Variants in LRP1B observed in about 807,000 individuals in gnomAD.
LRP1B encodes low-density lipoprotein receptor-related protein 1B.
LRP1B carries 217 observed loss-of-function variants against 556.6 expected under a neutral mutation model. The ratio of observed to expected loss-of-function variants is 0.39; its 90% CI spans 0.35 to 0.44. The LOEUF (loss-of-function observed/expected upper bound fraction) is 0.44, where lower values mean the gene tolerates loss of function less well. Ranked by LOEUF, LRP1B falls within the 20% of genes least tolerant of loss-of-function variation. The pLI, the probability that LRP1B is intolerant of heterozygous loss-of-function variation, is 1.00. For missense variants in LRP1B, 5,053 were observed against 5,620.8 expected (o/e 0.90, Z 3.23); for synonymous variants, 2,047 against 1,865.8 (o/e 1.10, Z -2.50).
At chr2:141,129,328 G>A (rs768502935) in intron 7 of LRP1B, among the ~76,000 whole-genome samples, 8 of 152,050 alleles carry the variant, frequency 5.3e-5, no homozygotes, top group Admixed American at 1.3e-4. Flanking sequence ...ACTTAAAAGG[G>A]AGATTTGATT....
At chr2:142,076,056 A>G (rs1400413149) in intron 1 of LRP1B, among the ~76,000 whole-genome samples, 2 of 152,158 alleles carry the variant, frequency 1.3e-5, no homozygotes, top group Non-Finnish European at 2.9e-5. Context: ...CCCTGAAGCA[A>G]TAACATTTCC....
intron 1 of LRP1B, among the ~76,000 whole-genome samples, chr2:142,053,349 A>G (rs1192751292): frequency 6.6e-6 from 1 of 152,146 alleles, no homozygotes; most frequent in Non-Finnish European, 1.5e-5. Context: ...GTAGACAGTC[A>G]TTAGGAATAA....
At chr2:141,544,378 T>TCTTCTC (rs1559131524) in intron 2 of LRP1B, among the ~76,000 whole-genome samples, 10 of 111,212 alleles carry the variant, frequency 9.0e-5, no homozygotes, top group South Asian at 3.7e-4. Flanking sequence ...TTCTTCTTCT[T>TCTTCTC]CTTCTCCTCC....
In LRP1B at chr2:140,495,713, G is replaced by T. The variant is rs112438062; in HGVS notation, c.8886C>A (p.Asp2962Glu). The change falls in exon 56 of 91, where the codon GAC becomes GAA. Residue 2962 changes from aspartate (D) to glutamate (E), a missense_variant. This residue lies in a region of LRP1B where 3,619 missense variants were observed against 3,931.9 expected (regional missense o/e 0.92). Coordinates refer to ENST00000389484, the MANE Select transcript of LRP1B (RefSeq NM_018557.3). ...KCWPGFQLKD[D>E]GKTCVDIDEC... ...CATCAATGTCTACACATGTTTTGCC[G>T]TCATCCTTCAGTTGGAATCCAGGCC... 1.9e-6 allele frequency: 3 copies of T among 1,611,054 alleles called. No homozygotes were observed. The Admixed American group carries it at 5.0e-5, about 27-fold the overall frequency.
At chr2:141,419,798 G>A (rs936613141) in intron 3 of LRP1B, among the ~76,000 whole-genome samples, 15 of 151,888 alleles carry the variant, frequency 9.9e-5, no homozygotes, top group African/African-American at 3.4e-4. Flanking sequence ...TTTGGGCTTA[G>A]TTTTTCTTTT....
intron 1 of LRP1B, among the ~76,000 whole-genome samples, chr2:141,929,489 A>G (rs2104991159): frequency 6.6e-6 from 1 of 152,110 alleles, no homozygotes; most frequent in South Asian, 2.1e-4. Flanking sequence ...TTTTTAAAAG[A>G]CAGAAGCACA....
rs1449432179 is a variant in LRP1B at position 140,325,894 on chromosome 2, A to G, written c.12224-16T>C. 1 of 1,463,916 alleles carries G rather than the reference A, an allele frequency of 6.8e-7. No homozygotes were observed. The highest frequency in any genetic ancestry group is 1.1e-5 in the South Asian group (1 of 87,110). The allele number at this position is 1,463,916 out of a possible 1,614,324, so 90.7% of individuals were successfully genotyped here. A position where few individuals can be genotyped will look rare whatever the true frequency, so the allele number is the denominator to read the frequency against. The stretch of plus-strand genomic sequence containing the variant: ...ACAGCCAAACCTGCAAAATCAACAC[A>G]CACAAGACAAATAGTGCAAGTAAAT... On this transcript the variant is annotated splice_polypyrimidine_tract_variant and intron_variant, in intron 79 of 90. Transcript: ENST00000389484.
intron 1 of LRP1B, among the ~76,000 whole-genome samples, chr2:142,103,722 G>T (rs947851621): frequency 5.3e-5 from 8 of 151,548 alleles, no homozygotes; most frequent in African/African-American, 1.9e-4. Flanking sequence ...GATTTTTCAT[G>T]AATTAAATAT....
At chr2:141,015,435 T>C (rs991446928) in intron 13 of LRP1B, among the ~76,000 whole-genome samples, 9 of 152,088 alleles carry the variant, frequency 5.9e-5, no homozygotes, top group East Asian at 1.9e-4. Context: ...AACTGCATTT[T>C]AAAACAGCTC....
intron 35 of LRP1B, among the ~76,000 whole-genome samples, chr2:140,725,218 G>A (rs1015767743): frequency 1.1e-4 from 16 of 152,050 alleles, no homozygotes; most frequent in Non-Finnish European, 2.2e-4. Flanking sequence ...AGATATTTTT[G>A]GAGGGAGGAA....
At chr2:141,886,378 G>A (rs1184190873) in intron 1 of LRP1B, among the ~76,000 whole-genome samples, 3 of 152,160 alleles carry the variant, frequency 2.0e-5, no homozygotes, top group Non-Finnish European at 4.4e-5. Flanking sequence ...TTTCTGAGAT[G>A]CAACACTGAA....
At chr2:141,153,603 A>G (rs1470772124) in intron 7 of LRP1B, among the ~76,000 whole-genome samples, 2 of 137,258 alleles carry the variant, frequency 1.5e-5, no homozygotes, top group African/African-American at 5.4e-5. Flanking sequence ...ATATATATTT[A>G]TATATAATAT....
intron 89 of LRP1B, among the ~76,000 whole-genome samples, chr2:140,237,060 A>T (rs555370246): frequency 3.3e-5 from 5 of 151,070 alleles, no homozygotes; most frequent in African/African-American, 1.2e-4. Context: ...TTTTAAATAT[A>T]CAATACAATA....
At position 141,695,535 on chromosome 2, in the gene LRP1B, T is replaced by C. The variant is rs537219020; in HGVS notation, c.205+114744A>G. Among the ~76,000 whole-genome samples, 220 of 152,104 alleles carry C rather than the reference T, an allele frequency of 1.4e-3. 1 individual carries two copies. The highest frequency in any genetic ancestry group is 2.4e-3 in the Non-Finnish European group (160 of 67,922). ...GAAGATGAGGAAGGCTTAGAAGTTA[T>C]GTAACTTGGCATTTTCATGCTCTTG... On this transcript the variant is annotated intron_variant, in intron 2 of 90. Coordinates refer to ENST00000389484, the MANE Select transcript of LRP1B (RefSeq NM_018557.3).
chr2:141,699,004 G>C (rs1691839583), intron 2 of LRP1B, among the ~76,000 whole-genome samples: 1 of 151,868 alleles, frequency 6.6e-6, no homozygotes, highest in South Asian at 2.1e-4. Context: ...CTTATTTGAA[G>C]ACAGCAGAGA....
In LRP1B at chr2:140,315,047, C is replaced by T. The variant is rs751711082; in HGVS notation, c.12693G>A (p.Glu4231=). 1 of 1,611,582 alleles carries T rather than the reference C, an allele frequency of 6.2e-7. No individual in the cohort carries two copies. The highest frequency in any genetic ancestry group is 1.3e-5 in the African/African-American group (1 of 74,918). The part of the protein sequence containing the change: ...CENGGRCILN[E]KGDLRCHCWP... ...AACAGTGACACCTCAAATCACCTTT[C>T]TCATTTAAAATGCATCTTCCTCCAT... Residue 4231 remains glutamate (E), a synonymous_variant, in exon 83 of 91, where the codon GAG becomes GAA. Coordinates refer to ENST00000389484, the MANE Select transcript of LRP1B (RefSeq NM_018557.3).
At chr2:141,865,317 G>A (rs976645280) in intron 1 of LRP1B, among the ~76,000 whole-genome samples, 10 of 152,104 alleles carry the variant, frequency 6.6e-5, no homozygotes, top group African/African-American at 2.4e-4. Context: ...AAATGGCCGG[G>A]CGCGGTGGCT....
chr2:140,982,362 A>T, intron 17 of LRP1B, 86 bp from the exon 18 acceptor site: 4 of 783,418 alleles, frequency 5.1e-6, no homozygotes, highest in Non-Finnish European at 8.7e-6. Flanking sequence ...TATTCCTTTC[A>T]TACATAAGAT....
Position 140,827,608 on chromosome 2 carries a change from C to T in LRP1B, c.5209+12383G>A, listed in dbSNP as rs10189427. 1.1e-4 allele frequency among the ~76,000 whole-genome samples: 16 copies of T among 151,694 alleles called. No homozygotes were observed. In the East Asian group the frequency reaches 3.1e-3, roughly 29 times the overall value. On this transcript the variant is annotated intron_variant, in intron 31 of 90. Transcript: ENST00000389484. ...AAATAATAAAAAGAAATGAAGAACA[C>T]CTGCAAGATATAGGGAATAACCTCA...
Sources: gnomAD v4.1 joint callset for allele counts (sites outside exome capture counted in the v4.1 genomes callset) on GRCh38, gnomAD v4.1.1 for gene constraint, gnomAD v4.1.1 regional missense constraint, MANE v1.5 for transcripts, NCBI Gene and HGNC (gene_info 2026-07-23, HGNC 2026-07-21) for gene names.